DOT1L: variants seen among roughly 807,000 people sequenced by gnomAD.
DOT1L encodes the protein histone-lysine N-methyltransferase, H3 lysine-79 specific.
A neutral mutation model predicts 153.3 loss-of-function variants in DOT1L; 33 were observed. The ratio of observed to expected loss-of-function variants is 0.22; its 90% CI spans 0.16 to 0.29. DOT1L has a LOEUF of 0.29. Among genes scored for constraint, DOT1L ranks in the 10% least tolerant of loss-of-function variants. The probability of loss-of-function intolerance (pLI) is 1.00; values close to 1 mark genes in which losing one functional copy is unlikely to be tolerated. For missense variants in DOT1L, 1,847 were observed against 2,119.9 expected, an observed-to-expected ratio of 0.87 and a Z score of 2.53; for synonymous variants, 1,135 against 965.1, an observed-to-expected ratio of 1.18 and a Z score of -3.26.
intron 27 of DOT1L, chr19:2,227,547 C>G: frequency 1.6e-6 from 1 of 623,706 alleles, no homozygotes; most frequent in Non-Finnish European, 2.4e-6. Context: ...CCTGGGGCTG[C>G]TGCGGGGCGG....
chr19:2,225,874 G>C (rs909253521), intron 26 of DOT1L, among the ~76,000 whole-genome samples: 1 of 152,110 alleles, frequency 6.6e-6, no homozygotes, highest in Non-Finnish European at 1.5e-5. Flanking sequence ...ATTTTCCCCA[G>C]AGCTCATCCC....
intron 13 of DOT1L, 28 bp from the exon 14 acceptor site, chr19:2,210,593 A>G (rs1043735682): frequency 1.2e-6 from 2 of 1,606,492 alleles, no homozygotes; most frequent in Non-Finnish European, 1.7e-6. Flanking sequence ...CTCTGTGCCC[A>G]TCCCTGTTCT....
chr19:2,203,327 C>T (rs776959841), intron 9 of DOT1L, among the ~76,000 whole-genome samples: 10 of 152,132 alleles, frequency 6.6e-5, no homozygotes, highest in Non-Finnish European at 1.5e-4. Flanking sequence ...CTCGAACTCC[C>T]GATGTCAGGG....
At chr19:2,172,203 T>G (rs2021672098) in intron 1 of DOT1L, among the ~76,000 whole-genome samples, 1 of 151,640 alleles carries the variant, frequency 6.6e-6, no homozygotes, top group Non-Finnish European at 1.5e-5. Context: ...CTTTTTTTTT[T>G]TTTTGAGACG....
At chr19:2,216,856 G>T (rs1042442372) in intron 20 of DOT1L, 91 bp downstream of exon 20, 22 of 1,555,894 alleles carry the variant, frequency 1.4e-5, no homozygotes, top group Non-Finnish European at 1.7e-5. Context: ...GCAGGAGTGT[G>T]TTTGTTGAGG....
At position 2,226,857 on chromosome 19, in the gene DOT1L, C is replaced by T. The variant is rs983695161; in HGVS notation, c.4336C>T (p.Pro1446Ser). ...GSLLSGPGLA[P>S]AASSAGGAAS... ...CCTCCTCAGCGGCCCCGGCCTGGCC[C>T]CGGCGGCGTCCTCCGCAGGCGGCGC... is the stretch of plus-strand genomic sequence containing the variant. The change falls in exon 27 of 28, where the codon CCG becomes TCG. Residue 1446 changes from proline to serine, a missense_variant. By Grantham distance (74) the Pro-to-Ser change is moderately conservative. This residue lies in a region of DOT1L where 934 missense variants were observed against 825.3 expected (regional missense o/e 1.13). Transcript: ENST00000398665. 7 of 1,577,376 alleles carry T rather than the reference C, an allele frequency of 4.4e-6. No individual in the cohort carries two copies. Among genetic ancestry groups the T allele is most frequent in the Non-Finnish European group, 5.1e-6 (6 of 1,170,538 alleles).
chr19:2,204,398 C>T lies in DOT1L; in HGVS notation c.787+1619C>T. Among the ~76,000 whole-genome samples, 1 of 152,056 alleles carries T rather than the reference C, an allele frequency of 6.6e-6. No individual in the cohort carries two copies. The highest frequency in any genetic ancestry group is 1.9e-4 in the East Asian group (1 of 5,192). On this transcript the variant is annotated intron_variant, in intron 9 of 27. Transcript: ENST00000398665. The surrounding 1 kb of genome is among the most constrained non-coding windows in gnomAD (Gnocchi z 5.7). ...TGTGGCAGTGGTGTTTCTGACTTAT[C>T]TTAGAACCACGTGAGGACACCATGC...
rs542635200 is a variant in DOT1L, at chr19:2,213,998, G to C, written c.1797+12G>C. The C allele has an allele frequency of 2.5e-6, 4 of 1,611,232 alleles. No homozygotes were observed. Among genetic ancestry groups the C allele is most frequent in the Non-Finnish European group, 2.5e-6 (3 of 1,179,190 alleles). ...AGAGCTTGCAGCTGGTGGGTGCCGC[G>C]GCGCAAGGACAGGGACGTGGAACCA... On this transcript the variant is annotated intron_variant, in intron 18 of 27. Coordinates refer to ENST00000398665, the MANE Select transcript of DOT1L (RefSeq NM_032482.3).
Position 2,217,702 on chromosome 19 carries a change from T to C in DOT1L, c.2545-70T>C, listed in dbSNP as rs1599605656. The C allele has an allele frequency of 6.5e-7, 1 of 1,540,844 alleles. No homozygotes were observed. Among genetic ancestry groups the C allele is most frequent in the African/African-American group, 1.4e-5 (1 of 73,072 alleles). On this transcript the variant is annotated intron_variant, in intron 21 of 27. Transcript: ENST00000398665. The surrounding 1 kb of genome is among the most constrained non-coding windows in gnomAD (Gnocchi z 7.3). ...AGAGAGCTGTAGCAGGCCCCCGTCCTGTGGCTGTGGTCCCTGTGTCCTGGA... is the reference window on the plus strand; with the variant it reads ...AGAGAGCTGTAGCAGGCCCCCGTCCCGTGGCTGTGGTCCCTGTGTCCTGGA...
chr19:2,182,471 C>T (rs930731872), intron 2 of DOT1L, among the ~76,000 whole-genome samples: 13 of 152,082 alleles, frequency 8.5e-5, no homozygotes, highest in African/African-American at 1.2e-4. Flanking sequence ...AGACCAGTGG[C>T]GCTGTGATTG....
At chr19:2,218,068 CGTGTCCG>C (rs1203668613) in intron 22 of DOT1L, 150 bp downstream of exon 22, 2 of 1,183,238 alleles carry the variant, frequency 1.7e-6, no homozygotes, top group African/African-American at 3.1e-5. Context: ...AAAGCCGGGG[CGTGTCCG>C]GTGACCTGGG....
Position 2,210,438 on chromosome 19 carries a change from G to T in DOT1L, c.1044G>T (p.Glu348Asp). The change falls in exon 13 of 28, where the codon GAG becomes GAT. Residue 348 changes from glutamate (E) to aspartate (D), a missense_variant. Physicochemically the swap from Glu to Asp is conservative, Grantham distance 45. Transcript: ENST00000398665. ...CAGCCCGGCGCCGCCAGCAGCGCGA[G>T]AGCAAGAGCAACGCGGCCACGCCCA... The part of the protein sequence containing the change: ...QEAARRRQQR[E>D]SKSNAATPTK... The T allele has an allele frequency of 6.4e-7, 1 of 1,570,550 alleles. No individual in the cohort carries two copies. Among genetic ancestry groups the T allele is most frequent in the East Asian group, 2.3e-5 (1 of 42,658 alleles).
chr19:2,213,165 T>C (rs2023773192), intron 16 of DOT1L: 1 of 200,058 alleles, frequency 5.0e-6, no homozygotes, highest in Admixed American at 5.5e-5. Context: ...ACTGAGTGTT[T>C]GCTGTTACGC....
intron 27 of DOT1L, chr19:2,227,450 TCTGGGAGCTGGTG>T (rs1435535752): frequency 1.7e-6 from 1 of 588,146 alleles, no homozygotes; most frequent in Non-Finnish European, 3.2e-6. Context: ...CTGGCAAGGC[TCTGGGAGCTGGTG>T]TTGGGTAAGA....
chr19:2,219,111 A>C (rs1449779310), intron 22 of DOT1L, among the ~76,000 whole-genome samples: 1 of 152,164 alleles, frequency 6.6e-6, no homozygotes, highest in East Asian at 1.9e-4. Flanking sequence ...ACCTCAGGTG[A>C]TCTGCCCACC....
chr19:2,167,437 G>A (rs76039528), intron 1 of DOT1L, among the ~76,000 whole-genome samples: 156 of 152,338 alleles, frequency 1.0e-3, no homozygotes, highest in African/African-American at 3.4e-3. Context: ...GTGCTCCATT[G>A]TAAATAGTAA....
Position 2,217,985 on chromosome 19 carries a change from A to G in DOT1L, c.2691+67A>G, listed in dbSNP as rs559513528. ...GGCAAAACAGTCTGGGGTGCTCGAG[A>G]CCTGGCTCACTTTGCGAAGTCTCAC... On this transcript the variant is annotated intron_variant, in intron 22 of 27. Coordinates refer to ENST00000398665, the MANE Select transcript of DOT1L (RefSeq NM_032482.3). This position sits in a 1 kb window ranked among gnomAD's most constrained non-coding sequence, Gnocchi z 7.3. 3.5e-5 allele frequency: 54 copies of G among 1,559,754 alleles called. No individual in the cohort carries two copies. The East Asian group carries it at 4.4e-4, about 13-fold the overall frequency.
rs2021710232 is a variant in DOT1L at position 2,172,720 on chromosome 19, G to C, written c.82-7993G>C. The stretch of plus-strand genomic sequence containing the variant: ...GGGTTTCACCATGTTAATCAGGCTG[G>C]TCTCAAACTCCTGACCTCGTGGTCT... On this transcript the variant is annotated intron_variant, in intron 1 of 27. Coordinates refer to ENST00000398665, the MANE Select transcript of DOT1L (RefSeq NM_032482.3). Among the ~76,000 whole-genome samples, 3 of 151,846 alleles carry C rather than the reference G, an allele frequency of 2.0e-5. No homozygotes were observed. In the South Asian group the frequency reaches 6.2e-4, roughly 32 times the overall value.
Position 2,230,224 on chromosome 19 carries a change from C to T in DOT1L, c.*432C>T, listed in dbSNP as rs775718961. The T allele has an allele frequency of 8.9e-5, 37 of 413,688 alleles. No individual in the cohort carries two copies. The highest frequency in any genetic ancestry group is 5.9e-4 in the Admixed American group (14 of 23,694). The allele number at this position is 413,688 out of a possible 1,614,324, so 25.6% of individuals were successfully genotyped here. ...CTTGGTGCTGACTAGACGCTGACAACGCCGAACCCCGTTCTCGGAAACGCC... is the reference window on the plus strand; with the variant it reads ...CTTGGTGCTGACTAGACGCTGACAATGCCGAACCCCGTTCTCGGAAACGCC... On this transcript the variant is annotated 3_prime_UTR_variant, in exon 28 of 28. Coordinates refer to ENST00000398665, the MANE Select transcript of DOT1L (RefSeq NM_032482.3).
Sources: allele counts gnomAD v4.1 joint callset (sites outside exome capture counted in the v4.1 genomes callset), GRCh38; gene constraint gnomAD v4.1.1; regional missense constraint gnomAD v4.1.1; non-coding constraint Gnocchi (gnomAD v3.1); transcripts MANE v1.5; gene names NCBI Gene and HGNC (gene_info 2026-07-23, HGNC 2026-07-21).